CARS1: variants seen among roughly 807,000 people sequenced by gnomAD.
The protein encoded by CARS1 is cysteine--tRNA ligase, cytoplasmic.
In CARS1, 48 loss-of-function variants were observed where a neutral mutation model predicts 106.2. That is an observed-to-expected ratio of 0.45 (90% confidence interval 0.36 to 0.57). The LOEUF is 0.57. CARS1 is among the 20% of genes least tolerant of loss of function. CARS1 has a pLI of 0.00. For missense variants in CARS1, 968 were observed against 1,057.2 expected (o/e 0.92, Z 1.17); for synonymous variants, 409 against 403.4 (o/e 1.01, Z -0.17).
chr11:3,041,199 C>A lies in CARS1; in HGVS notation c.367-215G>T. On this transcript the variant is annotated intron_variant, in intron 3 of 22. Transcript: ENST00000380525. This position sits in a 1 kb window ranked among gnomAD's most constrained non-coding sequence, Gnocchi z 4.9. ...CAACTGAGCCCTGGGTGGGTGGGGC[C>A]TCTTCCTCCCTGGGGTTCTACTCAT... 1 of 553,474 alleles carries A rather than the reference C, an allele frequency of 1.8e-6. No homozygotes were observed. Among genetic ancestry groups the A allele is most frequent in the South Asian group, 2.4e-5 (1 of 40,920 alleles). The allele number at this position is 553,474 out of a possible 1,614,324, so 34.3% of individuals were successfully genotyped here.
rs440130 is a variant in CARS1 at position 3,030,246 on chromosome 11, A to G, written c.802-803T>C. ...GTAGGAAAATGGCCTGGCAGACAGC[A>G]AGGACACAGGGTGGACAAAGCCACA... On this transcript the variant is annotated intron_variant, in intron 7 of 22. Coordinates refer to ENST00000380525, the MANE Select transcript of CARS1 (RefSeq NM_001014437.3). This position sits in a 1 kb window ranked among gnomAD's most constrained non-coding sequence, Gnocchi z 5.7. 0.33 allele frequency: 50,609 copies of G among 152,164 alleles called. 10,271 individuals are homozygous for G. The highest frequency in any genetic ancestry group is 0.63 in the East Asian group (3,242 of 5,150). 9.4% of individuals were successfully genotyped at this position (152,164 alleles called of 1,614,324 possible). A position where few individuals can be genotyped will look rare whatever the true frequency, so the allele number is the denominator to read the frequency against.
At chr11:3,024,500 T>C (rs959170221) in intron 10 of CARS1, among the ~76,000 whole-genome samples, 5 of 152,240 alleles carry the variant, frequency 3.3e-5, no homozygotes, top group African/African-American at 1.2e-4. Context: ...CAGGCTGGAG[T>C]GCAATGGCAC....
rs1853892762 is a variant in CARS1, at chr11:3,037,944, C to T, written c.801+106G>A. On this transcript the variant is annotated intron_variant, in intron 7 of 22. Coordinates refer to ENST00000380525, the MANE Select transcript of CARS1 (RefSeq NM_001014437.3). This position sits in a 1 kb window ranked among gnomAD's most constrained non-coding sequence, Gnocchi z 5.9. ...TGGAGCTACTGGAGACACAGAGTGTCTTCCACTAAGACAATCTGTGGAATC... is the reference window on the plus strand; with the variant it reads ...TGGAGCTACTGGAGACACAGAGTGTTTTCCACTAAGACAATCTGTGGAATC... The T allele has an allele frequency of 8.5e-7, 1 of 1,177,940 alleles. No homozygotes were observed. The highest frequency in any genetic ancestry group is 2.4e-5 in the East Asian group (1 of 41,972). 73.0% of individuals were successfully genotyped at this position (1,177,940 alleles called of 1,614,324 possible).
At chr11:3,036,878 A>G (rs1368906463) in intron 7 of CARS1, among the ~76,000 whole-genome samples, 2 of 152,196 alleles carry the variant, frequency 1.3e-5, no homozygotes, top group Non-Finnish European at 2.9e-5. Context: ...GCACTACAGC[A>G]TGGGTCAACC....
intron 19 of CARS1, among the ~76,000 whole-genome samples, chr11:3,006,100 C>T (rs183934250): frequency 7.7e-4 from 118 of 152,310 alleles, no homozygotes; most frequent in Non-Finnish European, 1.6e-3. Context: ...CATAGTACCT[C>T]ATACGCATGT....
At chr11:3,054,213 C>T (rs1268428365) in intron 1 of CARS1, among the ~76,000 whole-genome samples, 2 of 152,186 alleles carry the variant, frequency 1.3e-5, no homozygotes, top group Non-Finnish European at 2.9e-5. Flanking sequence ...AGCTGCAACT[C>T]GTTCACAAAG....
chr11:3,048,066 A>G lies in CARS1; in HGVS notation c.26-65T>C. 1 of 1,579,354 alleles carries G rather than the reference A, an allele frequency of 6.3e-7. No individual in the cohort carries two copies. Among genetic ancestry groups the G allele is most frequent in the Non-Finnish European group, 8.6e-7 (1 of 1,159,496 alleles). On this transcript the variant is annotated intron_variant, in intron 1 of 22. Transcript: ENST00000380525. The surrounding 1 kb of genome is among the most constrained non-coding windows in gnomAD (Gnocchi z 5.1). ...GGGCAGCCCAGAGGCCGCCAGAAAG[A>G]CAGGGACTAGGGGATGGCACAGAAC...
At position 3,046,199 on chromosome 11, in the gene CARS1, C is replaced by T. The variant is rs777622547; in HGVS notation, c.274+1554G>A. Among the ~76,000 whole-genome samples the T allele has an allele frequency of 3.3e-5, 5 of 152,212 alleles. No individual in the cohort carries two copies. On this transcript the variant is annotated intron_variant, in intron 2 of 22. Coordinates refer to ENST00000380525, the MANE Select transcript of CARS1 (RefSeq NM_001014437.3). The surrounding 1 kb of genome is among the most constrained non-coding windows in gnomAD (Gnocchi z 5.8). ...TTAAAAAGTGTTTGCAAGAGCAAAA[C>T]CCTTCCTTCCTCTCACAGTGTGGAT...
In CARS1 at chr11:3,017,185, GCCATATA is replaced by G; in HGVS notation, c.1831_1837del (p.Tyr611GlnfsTer6). ...CCTCTTCCTCACGGCTTTCCGGGCT[GCCATATA>G]GAGGTTGCACTGACTGACCAAGGCC... On this transcript the variant is annotated frameshift_variant, in exon 16 of 23. Coordinates refer to ENST00000380525, the MANE Select transcript of CARS1 (RefSeq NM_001014437.3). LOFTEE classifies it high-confidence loss of function. This position sits in a 1 kb window ranked among gnomAD's most constrained non-coding sequence, Gnocchi z 4.9. The G allele has an allele frequency of 6.2e-7, 1 of 1,614,182 alleles. No homozygotes were observed. Among genetic ancestry groups the G allele is most frequent in the Non-Finnish European group, 8.5e-7 (1 of 1,180,012 alleles).
In CARS1 at chr11:3,019,417, TG is replaced by T. The variant is rs570763118; in HGVS notation, c.1267-151del. 4 of 856,752 alleles carry T rather than the reference TG, an allele frequency of 4.7e-6. No homozygotes were observed. Among genetic ancestry groups the T allele is most frequent in the Non-Finnish European group, 6.3e-6 (4 of 631,622 alleles). 53.1% of individuals were successfully genotyped at this position (856,752 alleles called of 1,614,324 possible). ...GCACATGAAAAGACTAAGGGAAGGC[TG>T]GGCGAGATGGCTCACACCTGTAATC... On this transcript the variant is annotated intron_variant, in intron 11 of 22. Coordinates refer to ENST00000380525, the MANE Select transcript of CARS1 (RefSeq NM_001014437.3). The surrounding 1 kb of genome is among the most constrained non-coding windows in gnomAD (Gnocchi z 6.2).
chr11:3,029,117 C>T lies in CARS1; in HGVS notation c.943-33G>A, dbSNP rs1458500564. Reference sequence around the variant, plus strand: ...AGACATGAGAATGTCCTGGGATTTTCCCTTCTGAAAACCACGCGCTCCATA... The same window carrying T: ...AGACATGAGAATGTCCTGGGATTTTTCCTTCTGAAAACCACGCGCTCCATA... On this transcript the variant is annotated intron_variant, in intron 8 of 22. Transcript: ENST00000380525. This position sits in a 1 kb window ranked among gnomAD's most constrained non-coding sequence, Gnocchi z 5.9. The T allele has an allele frequency of 2.6e-6, 4 of 1,566,670 alleles. No homozygotes were observed. The highest frequency in any genetic ancestry group is 1.7e-4 in the Middle Eastern group (1 of 5,966).
rs1318455747 is a variant in CARS1 at position 3,020,200 on chromosome 11, C to A, written c.1266+20G>T. On this transcript the variant is annotated intron_variant, in intron 11 of 22. Coordinates refer to ENST00000380525, the MANE Select transcript of CARS1 (RefSeq NM_001014437.3). This position sits in a 1 kb window ranked among gnomAD's most constrained non-coding sequence, Gnocchi z 4.6. ...CAGTGCCCCTGTCCAAGCCCCACAC[C>A]TTCTAGGCCACTCGCTCACCTTTCC... 6.8e-7 allele frequency: 1 copy of A among 1,460,834 alleles called. No homozygotes were observed. The highest frequency in any genetic ancestry group is 1.4e-5 in the African/African-American group (1 of 71,814). The allele number at this position is 1,460,834 out of a possible 1,614,324, so 90.5% of individuals were successfully genotyped here.
Position 3,045,333 on chromosome 11 carries a change from C to T in CARS1, c.274+2420G>A, listed in dbSNP as rs560508873. Among the ~76,000 whole-genome samples, 3 of 152,094 alleles carry T rather than the reference C, an allele frequency of 2.0e-5. No homozygotes were observed. Among genetic ancestry groups the T allele is most frequent in the Non-Finnish European group, 4.4e-5 (3 of 68,030 alleles). On this transcript the variant is annotated intron_variant, in intron 2 of 22. Coordinates refer to ENST00000380525, the MANE Select transcript of CARS1 (RefSeq NM_001014437.3). The surrounding 1 kb of genome is among the most constrained non-coding windows in gnomAD (Gnocchi z 5.6). ...AGGCTGGAGTACAGTGGCACGATCT[C>T]GGCTCACTGCAAGCTCCGCCTCCCA... is the stretch of plus-strand genomic sequence containing the variant.
chr11:3,017,552 A>G lies in CARS1; in HGVS notation c.1728-257T>C, dbSNP rs1221960753. Reference sequence around the variant, plus strand: ...CAGCTACTCGGGAGGCTGAGGCAGGAGAATCGCTCGAACCCGGGAGGTGGA... The same window carrying G: ...CAGCTACTCGGGAGGCTGAGGCAGGGGAATCGCTCGAACCCGGGAGGTGGA... On this transcript the variant is annotated intron_variant, in intron 15 of 22. Transcript: ENST00000380525. This position sits in a 1 kb window ranked among gnomAD's most constrained non-coding sequence, Gnocchi z 4.9. 1.8e-6 allele frequency: 1 copy of G among 558,324 alleles called. No homozygotes were observed. The highest frequency in any genetic ancestry group is 3.2e-6 in the Non-Finnish European group (1 of 314,836). 34.6% of individuals were successfully genotyped at this position (558,324 alleles called of 1,614,324 possible).
At position 3,057,348 on chromosome 11, in the gene CARS1, T is replaced by C. The variant is rs1233124810; in HGVS notation, c.20A>G (p.Gln7Arg). Residue 7 changes from glutamine (Q) to arginine (R), a missense_variant, in exon 1 of 23, where the codon CAG (glutamine) becomes CGG (arginine). Transcript: ENST00000380525. MADSSG[Q>R]QAPDYRSILS... ...GGCCCGGCCGCGCCGCTCACCCTGCTGCCCGGAGGAATCTGCCATGGCTGG... is the reference window on the plus strand; with the variant it reads ...GGCCCGGCCGCGCCGCTCACCCTGCCGCCCGGAGGAATCTGCCATGGCTGG... 6.2e-7 allele frequency: 1 copy of C among 1,610,410 alleles called. No homozygotes were observed. The highest frequency in any genetic ancestry group is 1.3e-5 in the African/African-American group (1 of 75,014).
In CARS1 at chr11:3,021,838, C is replaced by T. The variant is rs574549216; in HGVS notation, c.1154-1506G>A. On this transcript the variant is annotated intron_variant, in intron 10 of 22. Coordinates refer to ENST00000380525, the MANE Select transcript of CARS1 (RefSeq NM_001014437.3). This position sits in a 1 kb window ranked among gnomAD's most constrained non-coding sequence, Gnocchi z 5.3. Reference sequence around the variant, plus strand: ...TCTGCCACTGACAATTCCGCAAAAGCACAATGTGATATGGCCCATGACATT... The same window carrying T: ...TCTGCCACTGACAATTCCGCAAAAGTACAATGTGATATGGCCCATGACATT... Among the ~76,000 whole-genome samples, 1 of 152,344 alleles carries T rather than the reference C, an allele frequency of 6.6e-6. No homozygotes were observed. Among genetic ancestry groups the T allele is most frequent in the East Asian group, 1.9e-4 (1 of 5,188 alleles).
chr11:3,033,289 A>G (rs562975515), intron 7 of CARS1, among the ~76,000 whole-genome samples: 2 of 152,330 alleles, frequency 1.3e-5, no homozygotes, highest in African/African-American at 2.4e-5. Context: ...CTCAAGCACA[A>G]GAGAACATTC....
rs770452949 is a variant in CARS1 at position 3,047,857 on chromosome 11, G to T, written c.170C>A (p.Pro57Gln). The change falls in exon 2 of 23, where the codon CCG (proline) becomes CAG (glutamine). Residue 57 changes from proline (P) to glutamine (Q), a missense_variant. Physicochemically the swap from Pro to Gln is moderately conservative, Grantham distance 76. Coordinates refer to ENST00000380525, the MANE Select transcript of CARS1 (RefSeq NM_001014437.3). The stretch of plus-strand genomic sequence containing the variant: ...GTGGAAGAGCTGGGGGTCAGCGGGC[G>T]GGGCCGAGAGCTGCCTGAACGCGTC... ...DVDAFRQLSA[P>Q]PADPQLFHVA... The T allele has an allele frequency of 6.2e-7, 1 of 1,613,920 alleles. No homozygotes were observed. Among genetic ancestry groups the T allele is most frequent in the African/African-American group, 1.3e-5 (1 of 74,894 alleles).
At position 3,047,073 on chromosome 11, in the gene CARS1, C is replaced by A. The variant is rs1414763867; in HGVS notation, c.274+680G>T. On this transcript the variant is annotated intron_variant, in intron 2 of 22. Coordinates refer to ENST00000380525, the MANE Select transcript of CARS1 (RefSeq NM_001014437.3). The stretch of plus-strand genomic sequence containing the variant: ...CGGGTGGATCACGAGGTCGGGAGAT[C>A]GAGACCATCCTGGCTAACACGGTGA... Among the ~76,000 whole-genome samples, 3 of 152,088 alleles carry A rather than the reference C, an allele frequency of 2.0e-5. No homozygotes were observed. In the South Asian group the frequency reaches 6.2e-4, roughly 32 times the overall value.
Sources: allele counts gnomAD v4.1 joint callset (sites outside exome capture counted in the v4.1 genomes callset), GRCh38; gene constraint gnomAD v4.1.1; non-coding constraint Gnocchi (gnomAD v3.1); transcripts MANE v1.5; gene names NCBI Gene and HGNC (gene_info 2026-07-23, HGNC 2026-07-21).